The following GABBR2 variants were observed in gnomAD, a reference collection of about 807,000 sequenced individuals.
GABBR2 encodes the protein G-protein coupled receptor 51.
A neutral mutation model predicts 105.6 loss-of-function variants in GABBR2; 23 were observed. The ratio of observed to expected loss-of-function variants is 0.22; its 90% CI spans 0.16 to 0.31. The LOEUF is 0.31. GABBR2 is among the 10% of genes least tolerant of loss of function. The probability of loss-of-function intolerance (pLI) is 1.00; values close to 1 mark genes in which losing one functional copy is unlikely to be tolerated. For missense variants in GABBR2, 734 were observed against 1,245.5 expected, an observed-to-expected ratio of 0.59 and a Z score of 6.18; for synonymous variants, 478 against 499.7, an observed-to-expected ratio of 0.96 and a Z score of 0.58.
intron 1 of GABBR2, among the ~76,000 whole-genome samples, chr9:98,672,330 C>T (rs1167671021): frequency 1.3e-5 from 2 of 152,204 alleles, no homozygotes; most frequent in African/African-American, 4.8e-5. Flanking sequence ...GTAACTGGCT[C>T]ATTTCACTTA....
intron 3 of GABBR2, among the ~76,000 whole-genome samples, chr9:98,499,557 C>T (rs1207595391): frequency 6.6e-6 from 1 of 152,182 alleles, no homozygotes; most frequent in Non-Finnish European, 1.5e-5. Context: ...CAAATGGAGG[C>T]AGTCAGTAAT....
intron 1 of GABBR2, among the ~76,000 whole-genome samples, chr9:98,675,242 C>T (rs1302514924): frequency 4.6e-5 from 7 of 152,198 alleles, no homozygotes; most frequent in African/African-American, 1.7e-4. Flanking sequence ...GGCAATGGTG[C>T]TTTGGTCAGT....
chr9:98,364,703 C>G (rs1188901547), intron 12 of GABBR2, among the ~76,000 whole-genome samples: 2 of 150,608 alleles, frequency 1.3e-5, no homozygotes, highest in Non-Finnish European at 2.9e-5. Context: ...TGGGTTCAAG[C>G]AATTCTCCTG....
In GABBR2 at chr9:98,402,912, C is replaced by T. The variant is rs149334857; in HGVS notation, c.1297+3169G>A. Among the ~76,000 whole-genome samples, 1,110 of 152,180 alleles carry T rather than the reference C, an allele frequency of 7.3e-3. 11 individuals are homozygous for T. The highest frequency in any genetic ancestry group is 0.01 in the Non-Finnish European group (703 of 68,014). On this transcript the variant is annotated intron_variant, in intron 8 of 18. Coordinates refer to ENST00000259455, the MANE Select transcript of GABBR2 (RefSeq NM_005458.8). Reference sequence around the variant, plus strand: ...TGGAAAACCAACTGTTGTGTTGATACGCATATGCCCCCTGCATTCTGGTGG... The same window carrying T: ...TGGAAAACCAACTGTTGTGTTGATATGCATATGCCCCCTGCATTCTGGTGG...
intron 1 of GABBR2, among the ~76,000 whole-genome samples, chr9:98,694,581 A>G (rs1479948102): frequency 6.6e-6 from 1 of 152,208 alleles, no homozygotes; most frequent in African/African-American, 2.4e-5. Context: ...CATGAATGAC[A>G]TCGCTATGTC....
chr9:98,345,350 G>A (rs1312132677), intron 13 of GABBR2, among the ~76,000 whole-genome samples: 1 of 152,142 alleles, frequency 6.6e-6, no homozygotes, highest in African/African-American at 2.4e-5. Flanking sequence ...TAGCACACAA[G>A]ATCCCTAACA....
At chr9:98,364,909 G>A (rs368224137) in intron 12 of GABBR2, among the ~76,000 whole-genome samples, 11 of 152,266 alleles carry the variant, frequency 7.2e-5, no homozygotes, top group South Asian at 6.2e-4. Context: ...CTGGGGCAGT[G>A]GATTTCTAAA....
chr9:98,451,502 A>C (rs1826228567), intron 7 of GABBR2, among the ~76,000 whole-genome samples: 1 of 151,604 alleles, frequency 6.6e-6, no homozygotes, highest in Non-Finnish European at 1.5e-5. Context: ...CATTTGAGCA[A>C]ACCTCAGTGC....
At chr9:98,452,042 A>G (rs1826241042) in intron 7 of GABBR2, among the ~76,000 whole-genome samples, 1 of 152,084 alleles carries the variant, frequency 6.6e-6, no homozygotes, top group Non-Finnish European at 1.5e-5. Context: ...TTAACCTCTC[A>G]TTGTTTTTGT....
At chr9:98,445,668 A>G (rs1826114949) in intron 7 of GABBR2, among the ~76,000 whole-genome samples, 3 of 152,228 alleles carry the variant, frequency 2.0e-5, no homozygotes, top group Admixed American at 2.0e-4. Context: ...GTGTTGTACC[A>G]ATGCATCGGT....
At chr9:98,379,516 G>A (rs982796747) in intron 11 of GABBR2, among the ~76,000 whole-genome samples, 4 of 152,160 alleles carry the variant, frequency 2.6e-5, no homozygotes, top group Non-Finnish European at 5.9e-5. Context: ...TGATCCACCC[G>A]CCTCAGCTTC....
At chr9:98,495,792 C>T (rs1233512156) in intron 4 of GABBR2, among the ~76,000 whole-genome samples, 9 of 152,326 alleles carry the variant, frequency 5.9e-5, no homozygotes, top group African/African-American at 1.7e-4. Context: ...TCCCAGGCCC[C>T]TTTGTTCCTG....
rs140348083 is a variant in GABBR2, at chr9:98,299,087, C to T, written c.2542+137G>A. 12,573 of 760,218 alleles carry T rather than the reference C, an allele frequency of 0.017. 142 individuals are homozygous for T. The highest frequency in any genetic ancestry group is 0.023 in the Non-Finnish European group (10,127 of 443,714). 47.1% of individuals were successfully genotyped at this position (760,218 alleles called of 1,614,324 possible). ...TCAGCAGACAGAGGTTCCAGATGCT[C>T]CAGCTCTGTGTGTGTGACTTCATAC... is the stretch of plus-strand genomic sequence containing the variant. On this transcript the variant is annotated intron_variant, in intron 17 of 18. Transcript: ENST00000259455.
At chr9:98,370,047 G>A (rs568119144) in intron 12 of GABBR2, among the ~76,000 whole-genome samples, 19 of 152,218 alleles carry the variant, frequency 1.2e-4, no homozygotes, top group Admixed American at 5.9e-4. Flanking sequence ...AAAGGTGGAT[G>A]ATGGACTGGC....
chr9:98,543,457 T>G (rs1272561647), intron 2 of GABBR2, among the ~76,000 whole-genome samples: 1 of 152,104 alleles, frequency 6.6e-6, no homozygotes, highest in Non-Finnish European at 1.5e-5. Flanking sequence ...CTGGAACTCC[T>G]GGGTTCCAGC....
intron 7 of GABBR2, among the ~76,000 whole-genome samples, chr9:98,450,092 A>T (rs1163857820): frequency 6.6e-6 from 1 of 152,184 alleles, no homozygotes; most frequent in Non-Finnish European, 1.5e-5. Context: ...ATTGAAATTG[A>T]GTCATGGATA....
intron 1 of GABBR2, among the ~76,000 whole-genome samples, chr9:98,649,631 T>C (rs1830077962): frequency 6.6e-6 from 1 of 152,152 alleles, no homozygotes; most frequent in African/African-American, 2.4e-5. Flanking sequence ...GTTCAGTCAC[T>C]TAGAAATAAG....
chr9:98,560,418 T>C (rs11787657), intron 2 of GABBR2, among the ~76,000 whole-genome samples: 2 of 97,306 alleles, frequency 2.1e-5, no homozygotes, highest in African/African-American at 2.8e-5. Context: ...CACACACACA[T>C]ATACACATAC....
Position 98,577,884 on chromosome 9 carries a change from G to C in GABBR2, c.459+51C>G, listed in dbSNP as rs56012010. The C allele has an allele frequency of 2.4e-4, 377 of 1,552,452 alleles. No homozygotes were observed. Among genetic ancestry groups the C allele is most frequent in the Admixed American group, 8.1e-4 (41 of 50,720 alleles). On this transcript the variant is annotated intron_variant, in intron 2 of 18. Coordinates refer to ENST00000259455, the MANE Select transcript of GABBR2 (RefSeq NM_005458.8). ...CAAGGAATAATTCCTGCAAAAGACTGAGGGCCAACCAAAGACACCTCCCCA... is the reference window on the plus strand; with the variant it reads ...CAAGGAATAATTCCTGCAAAAGACTCAGGGCCAACCAAAGACACCTCCCCA...
Sources: gnomAD v4.1 joint callset for allele counts (sites outside exome capture counted in the v4.1 genomes callset) on GRCh38, gnomAD v4.1.1 for gene constraint, MANE v1.5 for transcripts, NCBI Gene and HGNC (gene_info 2026-07-23, HGNC 2026-07-21) for gene names.